The following WDSUB1 variants were observed in gnomAD, a reference collection of about 807,000 sequenced individuals.
The protein encoded by WDSUB1 is WD repeat, sterile alpha motif and U-box domain containing 1.
WDSUB1 carries 49 observed loss-of-function variants against 53.9 expected under a neutral mutation model. The observed-to-expected ratio is 0.91, with a 90% CI of 0.72 to 1.15. The LOEUF (loss-of-function observed/expected upper bound fraction) is 1.15, where lower values mean the gene tolerates loss of function less well. Ranked by LOEUF, WDSUB1 falls within the 50% of genes most tolerant of loss-of-function variation. The probability of loss-of-function intolerance (pLI) is 0.00; values close to 1 mark genes in which losing one functional copy is unlikely to be tolerated. For missense variants in WDSUB1, 514 were observed against 562.0 expected (o/e 0.91, Z 0.86); for synonymous variants, 194 against 200.6 (o/e 0.97, Z 0.28).
At chr2:159,283,383 T>C (rs2061719529) in intron 1 of WDSUB1, among the ~76,000 whole-genome samples, 1 of 152,072 alleles carries the variant, frequency 6.6e-6, no homozygotes. Flanking sequence ...GCGCAGTTCA[T>C]AATAGGGTTT....
chr2:159,236,701 A>C (rs951139802), intron 10 of WDSUB1, among the ~76,000 whole-genome samples: 1 of 152,184 alleles, frequency 6.6e-6, no homozygotes, highest in Admixed American at 6.5e-5. Flanking sequence ...ACTGTTGCCC[A>C]GGCTGGCATA....
chr2:159,268,815 C>T (rs1160546018), intron 5 of WDSUB1, among the ~76,000 whole-genome samples: 4 of 151,854 alleles, frequency 2.6e-5, no homozygotes, highest in African/African-American at 9.7e-5. Flanking sequence ...AACTTCAACA[C>T]AGAACTGGAA....
At chr2:159,281,395 C>T (rs1217891288) in intron 2 of WDSUB1, among the ~76,000 whole-genome samples, 8 of 152,108 alleles carry the variant, frequency 5.3e-5, no homozygotes, top group Admixed American at 2.6e-4. Flanking sequence ...CACGCCACCA[C>T]GCCTAGCTAA....
chr2:159,247,886 A>AATATATATATATATAAATATATATAT (rs2060836812), intron 10 of WDSUB1, among the ~76,000 whole-genome samples: 1 of 63,824 alleles, frequency 1.6e-5, no homozygotes, highest in Non-Finnish European at 3.1e-5. Context: ...AAATTAAATA[A>AATATATATATATATAAATATATATAT]ATATATATAT....
At chr2:159,265,293 C>CCACACACACACACACACACACACACACA (rs75210001) in intron 5 of WDSUB1, among the ~76,000 whole-genome samples, 5 of 149,360 alleles carry the variant, frequency 3.3e-5, no homozygotes, top group Non-Finnish European at 7.4e-5. Flanking sequence ...AGCACACACA[C>CCACACACACACACACACACACACACACA]CACACACACA....
At chr2:159,258,980 T>C (rs764793202) in intron 6 of WDSUB1, among the ~76,000 whole-genome samples, 2 of 152,158 alleles carry the variant, frequency 1.3e-5, no homozygotes, top group Non-Finnish European at 2.9e-5. Flanking sequence ...GCTACAGCAT[T>C]AGGAGGCTCC....
intron 5 of WDSUB1, among the ~76,000 whole-genome samples, chr2:159,265,632 CAGG>C (rs1473213705): frequency 6.6e-6 from 1 of 151,972 alleles, no homozygotes; most frequent in African/African-American, 2.4e-5. Context: ...CACTTGAGGC[CAGG>C]AGGTCAGGGC....
intron 3 of WDSUB1, among the ~76,000 whole-genome samples, chr2:159,278,570 G>A (rs1398687153): frequency 6.6e-6 from 1 of 152,212 alleles, no homozygotes; most frequent in East Asian, 1.9e-4. Flanking sequence ...CAGATTTAAT[G>A]CAGGGGTTAA....
At chr2:159,251,917 C>T (rs2060959061) in intron 9 of WDSUB1, among the ~76,000 whole-genome samples, 1 of 152,228 alleles carries the variant, frequency 6.6e-6, no homozygotes, top group South Asian at 2.1e-4. Flanking sequence ...GAGACAGAGA[C>T]CTTCCTACGT....
At chr2:159,252,422 CT>C (rs2060971209) in intron 9 of WDSUB1, among the ~76,000 whole-genome samples, 1 of 152,160 alleles carries the variant, frequency 6.6e-6, no homozygotes, top group Non-Finnish European at 1.5e-5. Flanking sequence ...CCATAAAGAC[CT>C]GTGGTTGGCA....
chr2:159,247,479 T>C (rs1575437229), intron 10 of WDSUB1, among the ~76,000 whole-genome samples: 2 of 152,158 alleles, frequency 1.3e-5, no homozygotes, highest in Admixed American at 1.3e-4. Context: ...AGTTATAAAA[T>C]ACAATGATCA....
intron 5 of WDSUB1, among the ~76,000 whole-genome samples, chr2:159,262,471 C>T (rs1017161401): frequency 8.6e-5 from 13 of 151,946 alleles, no homozygotes; most frequent in East Asian, 1.9e-4. Flanking sequence ...ATTTGAGAAG[C>T]GCAAGGCCAA....
At chr2:159,246,572 A>G (rs2060802227) in intron 10 of WDSUB1, among the ~76,000 whole-genome samples, 2 of 152,218 alleles carry the variant, frequency 1.3e-5, no homozygotes, top group South Asian at 4.1e-4. Flanking sequence ...TGATACAATC[A>G]CTTTGAGAAA....
intron 2 of WDSUB1, 106 bp downstream of exon 2, chr2:159,282,566 T>C: frequency 7.4e-7 from 1 of 1,346,166 alleles, no homozygotes; most frequent in Non-Finnish European, 1.0e-6. Flanking sequence ...TTTCTTTTTT[T>C]CTACATCACT....
Position 159,282,729 on chromosome 2 carries a change from G to A in WDSUB1, c.341C>T (p.Ser114Leu). 1 of 1,614,076 alleles carries A rather than the reference G, an allele frequency of 6.2e-7. No individual in the cohort carries two copies. Among genetic ancestry groups the A allele is most frequent in the Non-Finnish European group, 8.5e-7 (1 of 1,179,996 alleles). ...QFSPDSTCLA[S>L]GAADGTVVLW... The stretch of plus-strand genomic sequence containing the variant: ...AACCACAGTTCCATCAGCTGCCCCT[G>A]ATGCCAAACACGTGGAGTCTGGGGA... The change falls in exon 2 of 11, where the codon TCA becomes TTA. Residue 114 changes from serine (S) to leucine (L), a missense_variant. By Grantham distance (145) the Ser-to-Leu change is moderately radical. Transcript: ENST00000359774.
chr2:159,236,134 T>C lies in WDSUB1; in HGVS notation c.1330A>G (p.Thr444Ala), dbSNP rs1208322392. 41 of 1,613,706 alleles carry C rather than the reference T, an allele frequency of 2.5e-5. No homozygotes were observed. The highest frequency in any genetic ancestry group is 3.5e-5 in the Non-Finnish European group (41 of 1,179,894). ...AGAACAAGATTTGTCATGGGACTTG[T>C]ACGTTTCTTTTTGCTGATCCAATTT... ...MENWISKKKR[T>A]SPMTNLVLPS... The change falls in exon 11 of 11, where the codon ACA (threonine) becomes GCA (alanine). Residue 444 changes from threonine to alanine, a missense_variant. Physicochemically the swap from Thr to Ala is moderately conservative, Grantham distance 58. Coordinates refer to ENST00000359774, the MANE Select transcript of WDSUB1 (RefSeq NM_001128212.3).
At chr2:159,244,845 G>T (rs932397389) in intron 10 of WDSUB1, among the ~76,000 whole-genome samples, 10 of 152,166 alleles carry the variant, frequency 6.6e-5, no homozygotes, top group African/African-American at 2.4e-4. Context: ...CAGAAGGATT[G>T]CTTGAGCCCA....
chr2:159,278,081 T>A (rs1291558633), intron 3 of WDSUB1, among the ~76,000 whole-genome samples: 1 of 152,170 alleles, frequency 6.6e-6, no homozygotes, highest in Non-Finnish European at 1.5e-5. Flanking sequence ...TCATTGGAAA[T>A]CTATCTTCAG....
intron 10 of WDSUB1, among the ~76,000 whole-genome samples, chr2:159,241,731 G>C (rs867793670): frequency 1.9e-5 from 1 of 52,378 alleles, no homozygotes. Flanking sequence ...TTTTTTTTTT[G>C]AGATGGAGTC....
Sources: allele counts gnomAD v4.1 joint callset (sites outside exome capture counted in the v4.1 genomes callset), GRCh38; gene constraint gnomAD v4.1.1; transcripts MANE v1.5; gene names NCBI Gene and HGNC (gene_info 2026-07-23, HGNC 2026-07-21).